The following DUSP22 variants were observed in gnomAD, a reference collection of about 807,000 sequenced individuals.
DUSP22 encodes dual specificity protein phosphatase 22.
Under a neutral mutation model 24.5 loss-of-function variants are expected in DUSP22, and 24 were observed. The observed-to-expected ratio is 0.98, with a 90% CI of 0.71 to 1.38. The LOEUF is 1.38. DUSP22 is among the 40% of genes most tolerant of loss of function. The pLI is 0.00. For missense variants in DUSP22, 330 were observed against 269.2 expected, an observed-to-expected ratio of 1.23 and a Z score of -1.58; for synonymous variants, 160 against 106.4, an observed-to-expected ratio of 1.50 and a Z score of -3.10.
intron 4 of DUSP22, among the ~76,000 whole-genome samples, chr6:337,817 G>A (rs1408852435): frequency 6.6e-6 from 1 of 152,310 alleles, no homozygotes; most frequent in Non-Finnish European, 1.5e-5. Flanking sequence ...AATATGTGAA[G>A]AGGTCCTGTT....
At chr6:304,532 C>A (rs1016628929) in intron 1 of DUSP22, 96 bp from the exon 2 acceptor site, 58 of 1,569,764 alleles carry the variant, frequency 3.7e-5, no homozygotes, top group South Asian at 7.7e-5. Flanking sequence ...AAGCACCTGG[C>A]CTTTGCAGGG....
At chr6:299,734 C>T (rs1007371935) in intron 1 of DUSP22, among the ~76,000 whole-genome samples, 1 of 152,310 alleles carries the variant, frequency 6.6e-6, no homozygotes, top group African/African-American at 2.4e-5. Flanking sequence ...GTTGCCTCCT[C>T]AGGTCAGACT....
At position 349,810 on chromosome 6, in the gene DUSP22, T is replaced by G. The variant is rs1360421340; in HGVS notation, c.*859T>G. ...CCTGAGTTCTACTTGGTGTTTGTTC[T>G]CTGGAGCTGATTGCACTTGAGCTCT... On this transcript the variant is annotated 3_prime_UTR_variant, in exon 7 of 7. Transcript: ENST00000419235. 3.8e-5 allele frequency: 37 copies of G among 985,816 alleles called. No homozygotes were observed. Among genetic ancestry groups the G allele is most frequent in the Non-Finnish European group, 4.2e-5 (35 of 830,242 alleles). 61.1% of individuals were successfully genotyped at this position (985,816 alleles called of 1,614,324 possible). A position where few individuals can be genotyped will look rare whatever the true frequency, so the allele number is the denominator to read the frequency against.
chr6:345,916 G>A lies in DUSP22; in HGVS notation c.251G>A (p.Cys84Tyr), dbSNP rs780011974. 1.2e-6 allele frequency: 2 copies of A among 1,614,148 alleles called. No homozygotes were observed. The highest frequency in any genetic ancestry group is 1.7e-6 in the Non-Finnish European group (2 of 1,180,038). Residue 84 changes from cysteine (C) to tyrosine (Y), a missense_variant, in exon 5 of 7, where the codon TGC becomes TAC. Transcript: ENST00000419235. ...IHECRLRGES[C>Y]LVHCLAGVSR... ...GAGTGCCGGCTCCGCGGTGAGAGCT[G>A]CCTTGTACACTGGTACGTGTGTCTC...
intron 2 of DUSP22, among the ~76,000 whole-genome samples, chr6:307,112 G>C (rs1203388886): frequency 6.6e-6 from 1 of 152,310 alleles, no homozygotes; most frequent in Non-Finnish European, 1.5e-5. Context: ...TTTTTCCTGG[G>C]CGGTGAATCC....
At chr6:314,550 G>A (rs1262723663) in intron 3 of DUSP22, among the ~76,000 whole-genome samples, 2 of 152,308 alleles carry the variant, frequency 1.3e-5, no homozygotes, top group African/African-American at 4.8e-5. Flanking sequence ...CCTTTATTGT[G>A]ATGGAGACTA....
intron 5 of DUSP22, among the ~76,000 whole-genome samples, chr6:346,417 A>G (rs1350942560): frequency 1.3e-5 from 2 of 150,346 alleles, no homozygotes; most frequent in Admixed American, 1.3e-4. Flanking sequence ...GCATCCTGCT[A>G]TATTTTGTGT....
intron 1 of DUSP22, among the ~76,000 whole-genome samples, chr6:297,083 C>G (rs1185653025): frequency 1.3e-5 from 2 of 152,304 alleles, no homozygotes; most frequent in African/African-American, 4.8e-5. Context: ...AACAAAAAGC[C>G]TGATCTGGGG....
chr6:346,915 T>A (rs1759908815), intron 5 of DUSP22, among the ~76,000 whole-genome samples: 1 of 152,420 alleles, frequency 6.6e-6, no homozygotes, highest in Admixed American at 6.5e-5. Flanking sequence ...TGAGGGCCGA[T>A]AGGGACGACA....
chr6:339,177 G>T (rs2127416533), intron 4 of DUSP22, among the ~76,000 whole-genome samples: 1 of 152,426 alleles, frequency 6.6e-6, no homozygotes, highest in Non-Finnish European at 1.5e-5. Context: ...TGCACACACT[G>T]CGTGTTCCCC....
chr6:321,051 C>T (rs1758566019), intron 3 of DUSP22, among the ~76,000 whole-genome samples: 1 of 152,304 alleles, frequency 6.6e-6, no homozygotes, highest in African/African-American at 2.4e-5. Flanking sequence ...CACTGCAGGG[C>T]AGACAAGACA....
chr6:350,330 T>C lies in DUSP22; in HGVS notation c.*1379T>C, dbSNP rs1760135765. 9.9e-7 allele frequency: 1 copy of C among 1,010,710 alleles called. No homozygotes were observed. Among genetic ancestry groups the C allele is most frequent in the African/African-American group, 1.7e-5 (1 of 57,710 alleles). The allele number at this position is 1,010,710 out of a possible 1,614,324, so 62.6% of individuals were successfully genotyped here. A position where few individuals can be genotyped will look rare whatever the true frequency, so the allele number is the denominator to read the frequency against. ...GGGCTGCAGGCATCCTGGGACGCTG[T>C]ACGCAATTCAGTGGTCTAGTCCTTT... On this transcript the variant is annotated 3_prime_UTR_variant, in exon 7 of 7. Transcript: ENST00000419235.
At chr6:339,601 G>T (rs1159024474) in intron 4 of DUSP22, among the ~76,000 whole-genome samples, 2 of 152,270 alleles carry the variant, frequency 1.3e-5, no homozygotes, top group African/African-American at 4.8e-5. Context: ...GCCAGGCTAT[G>T]GAGTCGGTAT....
intron 4 of DUSP22, among the ~76,000 whole-genome samples, chr6:345,591 G>T (rs1759824322): frequency 6.6e-6 from 1 of 152,304 alleles, no homozygotes; most frequent in South Asian, 2.1e-4. Flanking sequence ...AGCTACAAGA[G>T]AAGCTTTTGA....
rs781421065 is a variant in DUSP22, at chr6:348,764, T to C, written c.436-5T>C. 6 of 1,614,290 alleles carry C rather than the reference T, an allele frequency of 3.7e-6. No homozygotes were observed. Among genetic ancestry groups the C allele is most frequent in the South Asian group, 1.1e-5 (1 of 91,088 alleles). On this transcript the variant is annotated splice_polypyrimidine_tract_variant and splice_region_variant and intron_variant, in intron 6 of 6. Coordinates refer to ENST00000419235, the MANE Select transcript of DUSP22 (RefSeq NM_001286555.3). ...ACGTTTCGGGTTTGTTTCCATCCTCTCCAGTATCGGCAGTGGCTGAAGGAA... is the reference window on the plus strand; with the variant it reads ...ACGTTTCGGGTTTGTTTCCATCCTCCCCAGTATCGGCAGTGGCTGAAGGAA...
intron 3 of DUSP22, among the ~76,000 whole-genome samples, chr6:327,409 A>C (rs1202464646): frequency 6.6e-6 from 1 of 152,312 alleles, no homozygotes; most frequent in Non-Finnish European, 1.5e-5. Flanking sequence ...GCCTGGGAGC[A>C]GTGCTGTCAG....
intron 1 of DUSP22, among the ~76,000 whole-genome samples, chr6:302,240 G>GT (rs1561648196): frequency 6.6e-6 from 1 of 152,306 alleles, no homozygotes; most frequent in African/African-American, 2.4e-5. Context: ...GTTAAAACGC[G>GT]TAAGATCGTC....
intron 3 of DUSP22, among the ~76,000 whole-genome samples, chr6:327,212 C>G (rs1472715435): frequency 6.6e-6 from 1 of 152,302 alleles, no homozygotes; most frequent in Non-Finnish European, 1.5e-5. Flanking sequence ...GCTGGGTAGC[C>G]CCCAGTTTAA....
intron 1 of DUSP22, among the ~76,000 whole-genome samples, chr6:293,564 A>G (rs707904): frequency 4.1e-3 from 622 of 152,174 alleles, no homozygotes; most frequent in African/African-American, 0.014. Flanking sequence ...GGGGATGGCA[A>G]TGTGGCTGTG....
Sources: allele counts gnomAD v4.1 joint callset (sites outside exome capture counted in the v4.1 genomes callset), GRCh38; gene constraint gnomAD v4.1.1; transcripts MANE v1.5; gene names NCBI Gene and HGNC (gene_info 2026-07-23, HGNC 2026-07-21).